DPP6: variants seen among roughly 807,000 people sequenced by gnomAD.
DPP6 encodes the protein A-type potassium channel modulatory protein DPP6.
A neutral mutation model predicts 122.6 loss-of-function variants in DPP6; 69 were observed. The observed-to-expected ratio is 0.56, with a 90% CI of 0.46 to 0.69. The LOEUF (loss-of-function observed/expected upper bound fraction) is 0.69, where lower values mean the gene tolerates loss of function less well. DPP6 is among the 30% of genes least tolerant of loss of function. The pLI, the probability that DPP6 is intolerant of heterozygous loss-of-function variation, is 0.00. For synonymous variants in DPP6, 418 were observed against 433.1 expected, an observed-to-expected ratio of 0.97 and a Z score of 0.43; for missense variants, 928 against 1,116.9, an observed-to-expected ratio of 0.83 and a Z score of 2.41.
the DPP6 span, among the ~76,000 whole-genome samples, chr7:153,786,471 G>C: frequency 9.2e-5 from 14 of 151,528 alleles, no homozygotes; most frequent in Non-Finnish European, 1.8e-4. Flanking sequence ...CGGGCACAGT[G>C]GCTCACGCCT....
rs1321773876 is a variant in DPP6 at position 154,637,930 on chromosome 7, A to C, written c.680+57A>C. On this transcript the variant is annotated intron_variant, in intron 6 of 25. Transcript: ENST00000377770. ...AAATATGCAGGGCAAAGTGAAGGGT[A>C]GAACATGGACGAGCTGTTTAACCCT... is the stretch of plus-strand genomic sequence containing the variant. The C allele has an allele frequency of 8.5e-6, 13 of 1,531,852 alleles. No individual in the cohort carries two copies. The African/African-American group carries it at 1.5e-4, about 18-fold the overall frequency. 94.9% of individuals were successfully genotyped at this position (1,531,852 alleles called of 1,614,324 possible). A position where few individuals can be genotyped will look rare whatever the true frequency, so the allele number is the denominator to read the frequency against.
At chr7:154,397,560 T>A (rs1815197881) in intron 1 of DPP6, among the ~76,000 whole-genome samples, 1 of 152,222 alleles carries the variant, frequency 6.6e-6, no homozygotes, top group Non-Finnish European at 1.5e-5. Context: ...TTCAGTAGAA[T>A]AAATTATCAG....
chr7:154,166,453 G>A (rs938405587), intron 1 of DPP6, among the ~76,000 whole-genome samples: 10 of 152,034 alleles, frequency 6.6e-5, no homozygotes, highest in African/African-American at 2.2e-4. Context: ...GGATGAAACC[G>A]ACAAAGACGG....
intron 12 of DPP6, among the ~76,000 whole-genome samples, chr7:154,798,249 C>T (rs959215048): frequency 9.9e-5 from 15 of 152,158 alleles, no homozygotes; most frequent in South Asian, 4.1e-4. Flanking sequence ...TGTCCTCCAG[C>T]GCTCACTTCA....
At chr7:154,060,115 C>T (rs1395143800) in intron 1 of DPP6, among the ~76,000 whole-genome samples, 6 of 140,672 alleles carry the variant, frequency 4.3e-5, no homozygotes, top group East Asian at 4.4e-4. Context: ...CCTCCCGAGG[C>T]GGGACTGCAA....
chr7:154,798,627 T>C (rs1012071132), intron 12 of DPP6, among the ~76,000 whole-genome samples: 2 of 152,208 alleles, frequency 1.3e-5, no homozygotes, highest in African/African-American at 4.8e-5. Flanking sequence ...TCAGCTGCAG[T>C]TGTGATTGTG....
At chr7:154,705,172 G>A (rs566738465) in intron 7 of DPP6, among the ~76,000 whole-genome samples, 4 of 152,184 alleles carry the variant, frequency 2.6e-5, no homozygotes, top group African/African-American at 9.7e-5. Context: ...TGTAGCCAAA[G>A]AAGTGGATAT....
chr7:153,968,276 G>A (rs1795854375), intron 1 of DPP6, among the ~76,000 whole-genome samples: 2 of 151,382 alleles, frequency 1.3e-5, no homozygotes, highest in South Asian at 4.2e-4. Flanking sequence ...GTATGTCATT[G>A]TGGTTTTGAT....
chr7:154,156,028 CAG>C (rs1235044806), intron 1 of DPP6, among the ~76,000 whole-genome samples: 2 of 152,268 alleles, frequency 1.3e-5, no homozygotes, highest in Non-Finnish European at 2.9e-5. Context: ...GCCTGGCTCA[CAG>C]AGCCATCTGA....
chr7:154,841,769 G>C (rs909184919), intron 16 of DPP6, among the ~76,000 whole-genome samples: 1 of 151,684 alleles, frequency 6.6e-6, no homozygotes, highest in South Asian at 2.1e-4. Context: ...GGCCCCCCTC[G>C]AGCCGCGCTC....
chr7:154,194,140 C>T (rs1245137974), intron 1 of DPP6, among the ~76,000 whole-genome samples: 2 of 152,146 alleles, frequency 1.3e-5, no homozygotes, highest in Admixed American at 1.3e-4. Context: ...GTGTTTGTCA[C>T]TGTGAAACCC....
chr7:154,546,801 C>T (rs1586595989), intron 4 of DPP6, among the ~76,000 whole-genome samples: 2 of 152,306 alleles, frequency 1.3e-5, no homozygotes, highest in Middle Eastern at 3.4e-3. Context: ...GTTTGTACTA[C>T]CAGAGGAACT....
chr7:154,182,892 G>A (rs1405684823), intron 1 of DPP6, among the ~76,000 whole-genome samples: 5 of 152,068 alleles, frequency 3.3e-5, no homozygotes, highest in Non-Finnish European at 7.4e-5. Context: ...CCAGAAATAG[G>A]TTCTTGGTTC....
At chr7:153,863,343 A>G in the DPP6 span, among the ~76,000 whole-genome samples, 5 of 152,258 alleles carry the variant, frequency 3.3e-5, no homozygotes, top group African/African-American at 1.2e-4. Flanking sequence ...ATTGATGGGC[A>G]TTGGGGTTGG....
chr7:154,040,394 G>T (rs535184260), intron 1 of DPP6, among the ~76,000 whole-genome samples: 131 of 150,672 alleles, frequency 8.7e-4, no homozygotes, highest in Middle Eastern at 3.4e-3. Context: ...AAAATAAGTT[G>T]CAAGATAAGG....
intron 7 of DPP6, among the ~76,000 whole-genome samples, chr7:154,707,151 T>C (rs1389745468): frequency 6.6e-6 from 1 of 152,198 alleles, no homozygotes; most frequent in Non-Finnish European, 1.5e-5. Context: ...ACTACAAGAA[T>C]CCTGTGATTA....
At chr7:154,400,741 T>C (rs1815501576) in intron 1 of DPP6, among the ~76,000 whole-genome samples, 1 of 152,184 alleles carries the variant, frequency 6.6e-6, no homozygotes, top group Non-Finnish European at 1.5e-5. Context: ...ACAAAATTTT[T>C]CCATATATTT....
chr7:154,067,421 A>G (rs1487397373), intron 1 of DPP6, among the ~76,000 whole-genome samples: 3 of 151,058 alleles, frequency 2.0e-5, no homozygotes, highest in Admixed American at 6.6e-5. Flanking sequence ...GAAGGAGGAG[A>G]AAGCTATCTC....
chr7:154,825,927 G>T (rs73502146), intron 16 of DPP6, among the ~76,000 whole-genome samples: 11,353 of 152,248 alleles, frequency 0.075, 456 homozygotes, highest in South Asian at 0.15. Context: ...TCAAACCAGG[G>T]CTAGCTCACA....
Sources: allele counts gnomAD v4.1 joint callset (sites outside exome capture counted in the v4.1 genomes callset), GRCh38; gene constraint gnomAD v4.1.1; transcripts MANE v1.5; gene names NCBI Gene and HGNC (gene_info 2026-07-23, HGNC 2026-07-21).